The following NAF1 variants were observed in gnomAD, a reference collection of about 807,000 sequenced individuals.
The protein encoded by NAF1 is H/ACA ribonucleoprotein complex non-core subunit NAF1.
Under a neutral mutation model 40.6 loss-of-function variants are expected in NAF1, and 11 were observed. That is an observed-to-expected ratio of 0.27 (90% CI 0.17 to 0.45). NAF1 has a LOEUF of 0.45. Among genes scored for constraint, NAF1 ranks in the 20% least tolerant of loss-of-function variants. The pLI is 1.00. For synonymous variants in NAF1, 260 were observed against 228.5 expected (o/e 1.14, Z -1.24); for missense variants, 607 against 611.1 (o/e 0.99, Z 0.07).
chr4:163,141,256 T>A (rs1345719257), intron 4 of NAF1, among the ~76,000 whole-genome samples: 1 of 152,044 alleles, frequency 6.6e-6, no homozygotes, highest in East Asian at 1.9e-4. Context: ...TCCCAGCCAC[T>A]CAGGGGCTGA....
intron 2 of NAF1, among the ~76,000 whole-genome samples, chr4:163,111,767 A>G (rs527375355): frequency 1.9e-4 from 29 of 152,318 alleles, no homozygotes; most frequent in Non-Finnish European, 3.1e-4. Context: ...GGTAAATGGC[A>G]TTTCTTCGAA....
chr4:163,166,483 T>G lies in NAF1; in HGVS notation c.245A>C (p.Gln82Pro), dbSNP rs762789632. 7 of 1,600,938 alleles carry G rather than the reference T, an allele frequency of 4.4e-6. No individual in the cohort carries two copies. Residue 82 changes from glutamine to proline, a missense_variant, in exon 1 of 8, where the codon CAG (glutamine) becomes CCG (proline). Physicochemically the swap from Gln to Pro is moderately conservative, Grantham distance 76 (BLOSUM62 -1). Coordinates refer to ENST00000274054, the MANE Select transcript of NAF1 (RefSeq NM_138386.3). ...CGGCGATTCAGCCGGTGGCTGTGGC[T>G]GCGGCGCCGGGGTCCCGGCCGCGAC... Reference protein sequence around the residue: ...NAVAAGTPAPQPQPPAESPAC... With the variant: ...NAVAAGTPAPPPQPPAESPAC...
chr4:163,151,489 TA>T (rs766787053), intron 2 of NAF1, among the ~76,000 whole-genome samples: 4 of 152,200 alleles, frequency 2.6e-5, no homozygotes, highest in Non-Finnish European at 5.9e-5. Flanking sequence ...TGCTGTAGAA[TA>T]ATCCATCTTT....
rs115097182 is a variant in NAF1 at position 163,157,757 on chromosome 4, T to C, written c.540+6460A>G. Among the ~76,000 whole-genome samples, 362 of 152,200 alleles carry C rather than the reference T, an allele frequency of 2.4e-3. 2 individuals are homozygous for C. The highest frequency in any genetic ancestry group is 8.4e-3 in the African/African-American group (351 of 41,550). ...CTGTATGGTCTACAAGGTTATTCAG[T>C]TAAGCAAAATATTCAAAAGAGTACC... is the stretch of plus-strand genomic sequence containing the variant. On this transcript the variant is annotated intron_variant, in intron 2 of 7. Transcript: ENST00000274054.
intron 4 of NAF1, among the ~76,000 whole-genome samples, chr4:163,145,350 A>C (rs758506505): frequency 2.0e-5 from 3 of 152,204 alleles, no homozygotes; most frequent in African/African-American, 4.8e-5. Flanking sequence ...TTCCACACCG[A>C]GCTTCCACCT....
intron 1 of NAF1, among the ~76,000 whole-genome samples, chr4:163,165,164 T>C (rs1426851366): frequency 6.6e-6 from 1 of 152,210 alleles, no homozygotes; most frequent in African/African-American, 2.4e-5. Context: ...TTTGTACGAA[T>C]GGCCTATACA....
At chr4:163,130,365 A>G (rs917418001) in intron 7 of NAF1, among the ~76,000 whole-genome samples, 1 of 152,234 alleles carries the variant, frequency 6.6e-6, no homozygotes, top group African/African-American at 2.4e-5. Flanking sequence ...TTAAAATTAC[A>G]AAGTTTTAGG....
At chr4:163,112,616 T>C (rs1730197111) in intron 2 of NAF1, among the ~76,000 whole-genome samples, 1 of 152,198 alleles carries the variant, frequency 6.6e-6, no homozygotes, top group Non-Finnish European at 1.5e-5. Flanking sequence ...AAGGTGCACT[T>C]AGGGCTCTCC....
At chr4:163,153,764 A>G (rs1731843691) in intron 2 of NAF1, among the ~76,000 whole-genome samples, 1 of 152,178 alleles carries the variant, frequency 6.6e-6, no homozygotes, top group African/African-American at 2.4e-5. Context: ...GGGTGGGGCC[A>G]GATAAGAGAA....
chr4:163,145,695 T>C (rs2110960668), intron 4 of NAF1, 87 bp downstream of exon 4: 1 of 858,606 alleles, frequency 1.2e-6, no homozygotes, highest in Non-Finnish European at 1.8e-6. Context: ...TTAAAATAAA[T>C]AAACTCTTCT....
chr4:163,145,738 TA>T, intron 4 of NAF1, 43 bp downstream of exon 4: 1 of 1,271,898 alleles, frequency 7.9e-7, no homozygotes, highest in Non-Finnish European at 1.1e-6. Context: ...AAAAAAACAA[TA>T]AATAAATAGA....
Position 163,154,157 on chromosome 4 carries a change from G to A in NAF1, c.541-5723C>T, listed in dbSNP as rs553498873. Among the ~76,000 whole-genome samples the A allele has an allele frequency of 1.2e-4, 19 of 152,316 alleles. No homozygotes were observed. The South Asian group carries it at 3.1e-3, about 25-fold the overall frequency. ...CCTTAAGAGCTGTAACACTCACCGC[G>A]AAGGTCTGCGGCTTCATTCTTGAAG... is the stretch of plus-strand genomic sequence containing the variant. On this transcript the variant is annotated intron_variant, in intron 2 of 7. Transcript: ENST00000274054.
downstream of NAF1, chr4:163,109,033 G>A (rs546203028): frequency 1.3e-5 from 2 of 151,980 alleles, no homozygotes; most frequent in African/African-American, 2.4e-5. Context: ...ACTGTATGTT[G>A]AGAGTAAATA....
chr4:163,113,516 A>G (rs1730229355), intron 2 of NAF1, among the ~76,000 whole-genome samples: 2 of 152,076 alleles, frequency 1.3e-5, no homozygotes, highest in African/African-American at 2.4e-5. Flanking sequence ...TGCATCCACA[A>G]TGCTGCATTT....
At chr4:163,124,434 C>T (rs1388271622), downstream of NAF1, among the ~76,000 whole-genome samples, 2 of 152,068 alleles carry the variant, frequency 1.3e-5, no homozygotes, top group Non-Finnish European at 2.9e-5. Flanking sequence ...GTGCAGAGCC[C>T]TCATGACTTA....
intron 2 of NAF1, among the ~76,000 whole-genome samples, chr4:163,120,323 C>T (rs189168137): frequency 1.3e-5 from 2 of 152,362 alleles, no homozygotes; most frequent in Admixed American, 1.3e-4. Context: ...CTACACACCA[C>T]CATATCTATC....
chr4:163,111,876 A>C (rs1730170110), intron 2 of NAF1, among the ~76,000 whole-genome samples: 2 of 152,132 alleles, frequency 1.3e-5, no homozygotes, highest in South Asian at 4.1e-4. Flanking sequence ...AAACATTTTA[A>C]GGAGTAGAAA....
chr4:163,112,212 C>G (rs1166676727), intron 2 of NAF1, among the ~76,000 whole-genome samples: 3 of 152,008 alleles, frequency 2.0e-5, no homozygotes, highest in East Asian at 3.9e-4. Flanking sequence ...TGCTAGAGTT[C>G]TCTCTCTCAG....
chr4:163,116,229 C>T (rs566298204), intron 2 of NAF1, among the ~76,000 whole-genome samples: 1 of 152,180 alleles, frequency 6.6e-6, no homozygotes, highest in South Asian at 2.1e-4. Context: ...AAGTTTTAAC[C>T]CAGTGGTGTA....
Sources: allele counts gnomAD v4.1 joint callset (sites outside exome capture counted in the v4.1 genomes callset), GRCh38; gene constraint gnomAD v4.1.1; transcripts MANE v1.5; gene names NCBI Gene and HGNC (gene_info 2026-07-23, HGNC 2026-07-21).